Variants in SCEL observed in about 807,000 individuals in gnomAD.
The protein encoded by SCEL is sciellin.
A neutral mutation model predicts 117.6 loss-of-function variants in SCEL; 113 were observed. That is an observed-to-expected ratio of 0.96 (90% confidence interval 0.83 to 1.12). The LOEUF (loss-of-function observed/expected upper bound fraction) is 1.12, where lower values mean the gene tolerates loss of function less well. Ranked by LOEUF, SCEL falls within the 50% of genes most tolerant of loss-of-function variation. SCEL has a pLI of 0.00. For synonymous variants in SCEL, 270 were observed against 256.2 expected (o/e 1.05, Z -0.51); for missense variants, 785 against 810.8 (o/e 0.97, Z 0.39).
At chr13:77,549,480 C>A (rs908013781) in intron 1 of SCEL, among the ~76,000 whole-genome samples, 1 of 152,152 alleles carries the variant, frequency 6.6e-6, no homozygotes, top group African/African-American at 2.4e-5. Flanking sequence ...ATCTGCTATA[C>A]CCCATTGTTA....
chr13:77,577,329 C>G (rs1486958591), intron 9 of SCEL, among the ~76,000 whole-genome samples: 1 of 152,058 alleles, frequency 6.6e-6, no homozygotes, highest in Admixed American at 6.5e-5. Flanking sequence ...AATTTATGAC[C>G]ATGGAGGAAG....
At chr13:77,591,195 C>T (rs934258347) in intron 10 of SCEL, among the ~76,000 whole-genome samples, 200 bp from the exon 11 acceptor site, 3 of 152,026 alleles carry the variant, frequency 2.0e-5, no homozygotes, top group Admixed American at 1.3e-4. Flanking sequence ...TACAAATATG[C>T]GATAAAGATA....
At chr13:77,631,354 G>A (rs1221073085) in intron 28 of SCEL, among the ~76,000 whole-genome samples, 4 of 152,070 alleles carry the variant, frequency 2.6e-5, no homozygotes, top group Non-Finnish European at 5.9e-5. Flanking sequence ...GAAAAACAAA[G>A]ACTTCCAGAC....
chr13:77,542,742 A>G (rs2083773171), intron 1 of SCEL, among the ~76,000 whole-genome samples: 1 of 152,098 alleles, frequency 6.6e-6, no homozygotes, highest in Admixed American at 6.6e-5. Context: ...TTCCCCTTAC[A>G]TATATTTCTT....
intron 1 of SCEL, among the ~76,000 whole-genome samples, chr13:77,547,922 CAG>C (rs1187072680): frequency 6.6e-6 from 1 of 152,138 alleles, no homozygotes; most frequent in Non-Finnish European, 1.5e-5. Context: ...GAACAGTTTC[CAG>C]TAAACCCACT....
chr13:77,541,357 G>A (rs1175890683), intron 1 of SCEL, among the ~76,000 whole-genome samples: 1 of 152,152 alleles, frequency 6.6e-6, no homozygotes, highest in Non-Finnish European at 1.5e-5. Context: ...TGGCAAATGA[G>A]TGAACACTCA....
At chr13:77,545,400 CT>C (rs1361615572) in intron 1 of SCEL, among the ~76,000 whole-genome samples, 5 of 152,100 alleles carry the variant, frequency 3.3e-5, no homozygotes, top group Admixed American at 3.3e-4. Context: ...TAAAATTTGG[CT>C]GCATTTTTTT....
chr13:77,591,278 G>A (rs1251761343), intron 10 of SCEL, 117 bp from the exon 11 acceptor site: 2 of 706,042 alleles, frequency 2.8e-6, no homozygotes, highest in South Asian at 1.7e-5. Context: ...CTCAGGTAGT[G>A]TTATGGTTCC....
intron 7 of SCEL, among the ~76,000 whole-genome samples, chr13:77,568,751 C>T (rs11618522): frequency 0.01 from 1,539 of 152,268 alleles, 14 homozygotes; most frequent in Non-Finnish European, 0.016. Flanking sequence ...ATGGGGTGAG[C>T]TAAAAATCTA....
chr13:77,604,204 G>A, intron 18 of SCEL, 152 bp from the exon 19 acceptor site: 1 of 482,842 alleles, frequency 2.1e-6, no homozygotes, highest in Non-Finnish European at 3.6e-6. Context: ...CAAGTTGTAA[G>A]AGAATATTTT....
chr13:77,636,422 A>G (rs1383007135), intron 29 of SCEL, among the ~76,000 whole-genome samples: 1 of 152,194 alleles, frequency 6.6e-6, no homozygotes, highest in Non-Finnish European at 1.5e-5. Context: ...ATCCCAAGTG[A>G]GAGCCATGTG....
rs143771995 is a variant in SCEL at position 77,555,635 on chromosome 13, A to G, written c.-19-222A>G. On this transcript the variant is annotated intron_variant, in intron 1 of 32. Coordinates refer to ENST00000349847, the MANE Select transcript of SCEL (RefSeq NM_144777.3). Reference sequence around the variant, plus strand: ...CCGATTGCTTATGATACAACACTGGAATCACAAAACTCCCTGTGCCTCATT... The same window carrying G: ...CCGATTGCTTATGATACAACACTGGGATCACAAAACTCCCTGTGCCTCATT... Among the ~76,000 whole-genome samples the G allele has an allele frequency of 4.5e-3, 683 of 152,334 alleles. 1 individual carries two copies. Among genetic ancestry groups the G allele is most frequent in the Non-Finnish European group, 7.3e-3 (499 of 68,030 alleles).
At chr13:77,640,546 GT>G in intron 30 of SCEL, 129 bp from the exon 31 acceptor site, 1 of 406,580 alleles carries the variant, frequency 2.5e-6, no homozygotes, top group Non-Finnish European at 4.4e-6. Flanking sequence ...AACTTTCCTT[GT>G]TTTTTTGTGA....
intron 9 of SCEL, among the ~76,000 whole-genome samples, chr13:77,579,193 C>T (rs1159147814): frequency 6.6e-6 from 1 of 152,144 alleles, no homozygotes; most frequent in East Asian, 1.9e-4. Flanking sequence ...TTACTTTTGT[C>T]ATCTGGACTC....
At chr13:77,575,414 C>T (rs752416419) in intron 9 of SCEL, among the ~76,000 whole-genome samples, 2 of 152,010 alleles carry the variant, frequency 1.3e-5, no homozygotes, top group Non-Finnish European at 2.9e-5. Context: ...ATAATTAACA[C>T]AAGGCTGGTG....
intron 1 of SCEL, among the ~76,000 whole-genome samples, chr13:77,555,377 G>T (rs149690870): frequency 1.0e-3 from 159 of 152,304 alleles, no homozygotes; most frequent in Middle Eastern, 6.8e-3. Flanking sequence ...TTACACAGCA[G>T]TTTCCTGAGT....
intron 1 of SCEL, among the ~76,000 whole-genome samples, chr13:77,548,330 T>C (rs923536441): frequency 6.6e-6 from 1 of 152,226 alleles, no homozygotes; most frequent in Non-Finnish European, 1.5e-5. Flanking sequence ...TTTCTGCCTA[T>C]GCCACTGCTA....
chr13:77,561,325 C>A (rs1175299996), intron 4 of SCEL, among the ~76,000 whole-genome samples: 1 of 152,206 alleles, frequency 6.6e-6, no homozygotes, highest in Non-Finnish European at 1.5e-5. Flanking sequence ...ATGCTTATTT[C>A]ATATTTTAAA....
At chr13:77,578,094 C>T (rs1314264444) in intron 9 of SCEL, among the ~76,000 whole-genome samples, 1 of 152,196 alleles carries the variant, frequency 6.6e-6, no homozygotes, top group East Asian at 1.9e-4. Flanking sequence ...CACACCCACA[C>T]TTAAAACATC....
Sources: allele counts gnomAD v4.1 joint callset (sites outside exome capture counted in the v4.1 genomes callset), GRCh38; gene constraint gnomAD v4.1.1; transcripts MANE v1.5; gene names NCBI Gene and HGNC (gene_info 2026-07-23, HGNC 2026-07-21).